Variants in CCDC138 observed in about 807,000 individuals in gnomAD.
CCDC138 encodes coiled-coil domain containing 138.
CCDC138 carries 66 observed loss-of-function variants against 82.3 expected under a neutral mutation model. The ratio of observed to expected loss-of-function variants is 0.80; its 90% CI spans 0.66 to 0.98. The LOEUF (loss-of-function observed/expected upper bound fraction) is 0.98. CCDC138 is among the 50% of genes least tolerant of loss of function. The probability of loss-of-function intolerance (pLI) is 0.00; values close to 1 mark genes in which losing one functional copy is unlikely to be tolerated. For missense variants in CCDC138, 816 were observed against 758.9 expected, an observed-to-expected ratio of 1.08 and a Z score of -0.88; for synonymous variants, 297 against 265.4, an observed-to-expected ratio of 1.12 and a Z score of -1.16.
downstream of CCDC138, among the ~76,000 whole-genome samples, chr2:108,878,118 C>G (rs1696158852): frequency 6.6e-6 from 1 of 152,136 alleles, no homozygotes; most frequent in Non-Finnish European, 1.5e-5. Flanking sequence ...TGAAAGAAAA[C>G]AGTTTATTAA....
chr2:108,792,382 T>C (rs542679375), intron 4 of CCDC138, among the ~76,000 whole-genome samples: 1 of 152,386 alleles, frequency 6.6e-6, no homozygotes, highest in South Asian at 2.1e-4. Context: ...CTGTCGGGAC[T>C]TGAGTTTCCT....
At chr2:108,799,188 ATG>A (rs1477574721) in intron 6 of CCDC138, among the ~76,000 whole-genome samples, 1 of 152,186 alleles carries the variant, frequency 6.6e-6, no homozygotes, top group Non-Finnish European at 1.5e-5. Flanking sequence ...GCATTCTTAT[ATG>A]TCACATTGTG....
In CCDC138 at chr2:108,812,900, A is replaced by G. The variant is rs760535170; in HGVS notation, c.1014A>G (p.Glu338=). The G allele has an allele frequency of 1.2e-6, 2 of 1,613,762 alleles. No individual in the cohort carries two copies. Among genetic ancestry groups the G allele is most frequent in the Admixed American group, 1.7e-5 (1 of 59,970 alleles). The part of the protein sequence containing the change: ...AVHEMKSLKQ[E]KAPVSKTYKV... ...ATGAAATGAAAAGTTTAAAACAAGA[A>G]AAAGCACCAGTTTCAAAAACTTACA... Residue 338 remains glutamate, a synonymous_variant, in exon 9 of 15, where the codon GAA becomes GAG. Coordinates refer to ENST00000295124, the MANE Select transcript of CCDC138 (RefSeq NM_144978.3).
intron 6 of CCDC138, among the ~76,000 whole-genome samples, chr2:108,804,435 G>A (rs1208694136): frequency 6.6e-6 from 1 of 152,042 alleles, no homozygotes; most frequent in African/African-American, 2.4e-5. Flanking sequence ...GCTTTATGAG[G>A]ACAAGAAATT....
At chr2:108,861,196 G>A (rs574504684) in intron 13 of CCDC138, among the ~76,000 whole-genome samples, 33 of 151,122 alleles carry the variant, frequency 2.2e-4, no homozygotes, top group Non-Finnish European at 4.3e-4. Context: ...ATTTCTGATT[G>A]TGTTTATTGG....
In CCDC138 at chr2:108,786,774, G is replaced by C. The variant is rs201024181; in HGVS notation, c.-49G>C. On this transcript the variant is annotated 5_prime_UTR_variant, in exon 1 of 15. Transcript: ENST00000295124. Reference sequence around the variant, plus strand: ...CGCACTGCGGCCGCGTAGCGCCGCGGGTTTGATGAACGCGGTTCCCGGGGA... The same window carrying C: ...CGCACTGCGGCCGCGTAGCGCCGCGCGTTTGATGAACGCGGTTCCCGGGGA... 17 of 1,511,880 alleles carry C rather than the reference G, an allele frequency of 1.1e-5. No homozygotes were observed. The highest frequency in any genetic ancestry group is 1.5e-5 in the Non-Finnish European group (17 of 1,108,010). The allele number at this position is 1,511,880 out of a possible 1,614,324, so 93.7% of individuals were successfully genotyped here. A position where few individuals can be genotyped will look rare whatever the true frequency, so the allele number is the denominator to read the frequency against.
Position 108,834,949 on chromosome 2 carries a change from C to T in CCDC138, c.1207-4236C>T, listed in dbSNP as rs551525423. On this transcript the variant is annotated intron_variant, in intron 10 of 14. Transcript: ENST00000295124. ...GTATATCACTATTGGAGATTAATCA[C>T]TTCTAATTGAAGGTCAGTTGGCAGC... Among the ~76,000 whole-genome samples the T allele has an allele frequency of 1.1e-4, 16 of 152,346 alleles. 1 individual carries two copies. In the South Asian group the frequency reaches 3.1e-3, roughly 30 times the overall value.
At chr2:108,843,253 G>A (rs1689816246) in intron 11 of CCDC138, among the ~76,000 whole-genome samples, 1 of 152,144 alleles carries the variant, frequency 6.6e-6, no homozygotes, top group Admixed American at 6.6e-5. Context: ...CGTCTGCTGG[G>A]TTCAAACCAT....
intron 13 of CCDC138, among the ~76,000 whole-genome samples, chr2:108,865,499 A>G (rs930422331): frequency 6.6e-6 from 1 of 152,172 alleles, no homozygotes; most frequent in African/African-American, 2.4e-5. Context: ...TGCCATAGAC[A>G]AAATAATTAC....
At chr2:108,867,924 A>T (rs1305413282) in intron 13 of CCDC138, among the ~76,000 whole-genome samples, 2 of 152,214 alleles carry the variant, frequency 1.3e-5, no homozygotes, top group Non-Finnish European at 2.9e-5. Context: ...GTTTTCTTTA[A>T]AAAATAATTT....
chr2:108,853,979 ATATAATATATAATAAATTTATATTAT>A (rs1445633489), intron 12 of CCDC138, among the ~76,000 whole-genome samples: 1 of 12,722 alleles, frequency 7.9e-5, no homozygotes, highest in African/African-American at 1.3e-4. Context: ...TATATATAAT[ATATAATATATAATAAATTTATATTAT>A]ATATAATATA....
At chr2:108,872,942 G>T (rs969467617) in intron 13 of CCDC138, among the ~76,000 whole-genome samples, 3 of 152,108 alleles carry the variant, frequency 2.0e-5, no homozygotes, top group Non-Finnish European at 2.9e-5. Flanking sequence ...AATTAAATGT[G>T]AGAGTAGTCT....
Position 108,812,624 on chromosome 2 carries a change from C to T in CCDC138, c.856-7C>T, listed in dbSNP as rs1684059699. ...TATTGAAATATCTAACTTTTTCTAC[C>T]CTTTAGTTAAATGAAGCAAGTGAAG... is the stretch of plus-strand genomic sequence containing the variant. On this transcript the variant is annotated splice_polypyrimidine_tract_variant and splice_region_variant and intron_variant, in intron 7 of 14. Transcript: ENST00000295124. 1.9e-6 allele frequency: 3 copies of T among 1,606,144 alleles called. No homozygotes were observed. The highest frequency in any genetic ancestry group is 1.7e-5 in the Admixed American group (1 of 59,906).
intron 13 of CCDC138, among the ~76,000 whole-genome samples, chr2:108,871,405 T>G (rs1328775830): frequency 7.1e-6 from 1 of 141,570 alleles, no homozygotes; most frequent in Admixed American, 7.1e-5. Flanking sequence ...ATAGAAAAAT[T>G]AACTGGGCAT....
intron 3 of CCDC138, 60 bp downstream of exon 3, chr2:108,789,026 G>T (rs373028320): frequency 6.3e-6 from 10 of 1,576,524 alleles, no homozygotes; most frequent in African/African-American, 2.7e-5. Context: ...AACTGAGAAA[G>T]AGAAAAGGGC....
chr2:108,792,860 C>T (rs1231321153), intron 4 of CCDC138, among the ~76,000 whole-genome samples: 7 of 151,616 alleles, frequency 4.6e-5, no homozygotes, highest in Middle Eastern at 3.4e-3. Flanking sequence ...GTCAGGAGAT[C>T]GAGACCATCC....
chr2:108,813,248 C>CAAAAAAA (rs371435296), intron 9 of CCDC138, among the ~76,000 whole-genome samples: 8 of 63,552 alleles, frequency 1.3e-4, no homozygotes, highest in South Asian at 9.8e-4. Flanking sequence ...GACTCCGTCT[C>CAAAAAAA]AAAAAAAAAA....
At chr2:108,859,712 A>G (rs368205429) in intron 13 of CCDC138, among the ~76,000 whole-genome samples, 1 of 152,102 alleles carries the variant, frequency 6.6e-6, no homozygotes, top group South Asian at 2.1e-4. Flanking sequence ...GCCTTGTAGT[A>G]TAGTTTGAAG....
At chr2:108,807,476 T>A (rs948412728) in intron 7 of CCDC138, among the ~76,000 whole-genome samples, 3 of 152,222 alleles carry the variant, frequency 2.0e-5, no homozygotes, top group African/African-American at 7.2e-5. Flanking sequence ...ATCCATCAGC[T>A]CAAACATTTA....
Sources: gnomAD v4.1 joint callset for allele counts (sites outside exome capture counted in the v4.1 genomes callset) on GRCh38, gnomAD v4.1.1 for gene constraint, MANE v1.5 for transcripts, NCBI Gene and HGNC (gene_info 2026-07-23, HGNC 2026-07-21) for gene names.